The following CBLN2 variants were observed in gnomAD, a reference collection of about 807,000 sequenced individuals.
The protein encoded by CBLN2 is cerebellin-2.
A neutral mutation model predicts 15.0 loss-of-function variants in CBLN2; 7 were observed. The observed-to-expected ratio is 0.47, with a 90% CI of 0.27 to 0.88. The LOEUF (loss-of-function observed/expected upper bound fraction) is 0.88. Ranked by LOEUF, CBLN2 falls within the 40% of genes least tolerant of loss-of-function variation. The probability of loss-of-function intolerance (pLI) is 0.14; values close to 1 mark genes in which losing one functional copy is unlikely to be tolerated. For synonymous variants in CBLN2, 149 were observed against 135.2 expected, an observed-to-expected ratio of 1.10 and a Z score of -0.71; for missense variants, 242 against 304.5, an observed-to-expected ratio of 0.79 and a Z score of 1.53.
intron 1 of CBLN2, among the ~76,000 whole-genome samples, chr18:72,582,640 C>T (rs760469729): frequency 6.6e-6 from 1 of 152,146 alleles, no homozygotes; most frequent in Non-Finnish European, 1.5e-5. Flanking sequence ...GGTGCTCACA[C>T]ATCCTTTAAT....
intron 1 of CBLN2, among the ~76,000 whole-genome samples, chr18:72,636,213 A>T (rs886578655): frequency 2.6e-5 from 4 of 152,220 alleles, no homozygotes; most frequent in Admixed American, 1.3e-4. Context: ...ATATTCAAAT[A>T]CTAGTTACGT....
rs140064619 is a variant in CBLN2, at chr18:72,563,665, G to C, written c.16-24893C>G. On this transcript the variant is annotated intron_variant, in intron 1 of 2. Coordinates refer to the CBLN2 transcript ENST00000581073. ...CAAGTGCACCACCCACAATTCAATA[G>C]GCCATTCACATGCTCCATTTGTTTG... 3.9e-5 allele frequency among the ~76,000 whole-genome samples: 6 copies of C among 152,280 alleles called. No individual in the cohort carries two copies. In the East Asian group the frequency reaches 1.2e-3, roughly 29 times the overall value.
chr18:72,606,974 C>T (rs2069587425), intron 1 of CBLN2, among the ~76,000 whole-genome samples: 2 of 152,196 alleles, frequency 1.3e-5, no homozygotes, highest in African/African-American at 4.8e-5. Flanking sequence ...GTCCTAATCC[C>T]CAGAACCTTG....
intron 1 of CBLN2, among the ~76,000 whole-genome samples, chr18:72,623,162 A>T (rs2069712520): frequency 1.3e-5 from 2 of 152,084 alleles, no homozygotes; most frequent in Non-Finnish European, 2.9e-5. Flanking sequence ...CTATCATGAG[A>T]ACATCATGGG....
In CBLN2 at chr18:72,538,102, A is replaced by T. The variant is rs752655925; in HGVS notation, c.*74T>A. The T allele has an allele frequency of 8.1e-5, 117 of 1,449,636 alleles. No individual in the cohort carries two copies. Among genetic ancestry groups the T allele is most frequent in the Non-Finnish European group, 1.1e-4 (111 of 1,035,516 alleles). The allele number at this position is 1,449,636 out of a possible 1,614,324, so 89.8% of individuals were successfully genotyped here. A position where few individuals can be genotyped will look rare whatever the true frequency, so the allele number is the denominator to read the frequency against. ...TGGAAACAAGGTGTCCAATTCCAGT[A>T]AGTTCAGGGTGTTTTAAAGGGCGGA... is the stretch of plus-strand genomic sequence containing the variant. On this transcript the variant is annotated 3_prime_UTR_variant, in exon 5 of 5. Transcript: ENST00000269503.
At chr18:72,625,816 C>CTATATATA (rs1330243296) in intron 1 of CBLN2, among the ~76,000 whole-genome samples, 18 of 61,624 alleles carry the variant, frequency 2.9e-4, no homozygotes, top group South Asian at 6.5e-4. Context: ...CTCTCTCTCT[C>CTATATATA]TCTATATATA....
intron 1 of CBLN2, among the ~76,000 whole-genome samples, chr18:72,605,063 G>A (rs1052889974): frequency 2.0e-5 from 3 of 152,134 alleles, no homozygotes; most frequent in Admixed American, 6.5e-5. Flanking sequence ...ATCTAATTTG[G>A]TTCTTGTCAT....
chr18:72,613,810 T>G (rs2069639326), intron 1 of CBLN2, among the ~76,000 whole-genome samples: 1 of 152,202 alleles, frequency 6.6e-6, no homozygotes, highest in African/African-American at 2.4e-5. Flanking sequence ...ATAGATTCCA[T>G]GCTTGTTGAC....
At chr18:72,552,472 A>G (rs2069197729) in intron 1 of CBLN2, 1 of 152,202 alleles carries the variant, frequency 6.6e-6, no homozygotes, top group African/African-American at 2.4e-5. Context: ...AATACATAAA[A>G]ATCAACAAAC....
At chr18:72,609,927 G>T (rs1050277140) in intron 1 of CBLN2, among the ~76,000 whole-genome samples, 4 of 152,104 alleles carry the variant, frequency 2.6e-5, no homozygotes, top group South Asian at 2.1e-4. Context: ...GGTATTCCCT[G>T]GGTTGTCCTG....
intron 1 of CBLN2, among the ~76,000 whole-genome samples, chr18:72,600,889 C>T (rs2069543586): frequency 6.6e-6 from 1 of 152,116 alleles, no homozygotes; most frequent in African/African-American, 2.4e-5. Flanking sequence ...GGTGGGGTCA[C>T]ATGACCTGTT....
At chr18:72,551,033 C>T (rs1290639675) in intron 1 of CBLN2, among the ~76,000 whole-genome samples, 2 of 151,950 alleles carry the variant, frequency 1.3e-5, no homozygotes, top group Non-Finnish European at 2.9e-5. Context: ...CTTTCACACC[C>T]ATAAACTGTA....
At chr18:72,587,501 A>C (rs1467094598) in intron 1 of CBLN2, among the ~76,000 whole-genome samples, 1 of 151,524 alleles carries the variant, frequency 6.6e-6, no homozygotes, top group Non-Finnish European at 1.5e-5. Context: ...ACTATAAAGA[A>C]AGTAGGTTTT....
At chr18:72,629,375 C>T (rs1204815575) in intron 1 of CBLN2, among the ~76,000 whole-genome samples, 1 of 151,364 alleles carries the variant, frequency 6.6e-6, no homozygotes, top group African/African-American at 2.4e-5. Context: ...AACTCCCAAA[C>T]TTATATATAG....
chr18:72,611,750 G>C (rs1275209445), intron 1 of CBLN2, among the ~76,000 whole-genome samples: 1 of 152,070 alleles, frequency 6.6e-6, no homozygotes, highest in Non-Finnish European at 1.5e-5. Flanking sequence ...AGTTTAATTA[G>C]GTCCCACTTT....
intron 1 of CBLN2, chr18:72,620,158 G>A (rs547556901): frequency 1.3e-5 from 2 of 152,468 alleles, no homozygotes; most frequent in East Asian, 1.9e-4. Context: ...TCCATCCATG[G>A]ACAGCTTAAA....
At chr18:72,615,403 A>G (rs569227998) in intron 1 of CBLN2, among the ~76,000 whole-genome samples, 29 of 150,862 alleles carry the variant, frequency 1.9e-4, no homozygotes, top group African/African-American at 6.8e-4. Context: ...CAGCCTCCAG[A>G]GTAGCTGGGA....
At position 72,609,643 on chromosome 18, in the gene CBLN2, C is replaced by T. The variant is rs576562474; in HGVS notation, c.15+28682G>A. 7.2e-5 allele frequency among the ~76,000 whole-genome samples: 11 copies of T among 152,306 alleles called. No homozygotes were observed. The South Asian group carries it at 1.2e-3, about 17-fold the overall frequency. On this transcript the variant is annotated intron_variant, in intron 1 of 2. Coordinates refer to the CBLN2 transcript ENST00000581073. ...GAAGCTGTAAAACAGCAAGTTTCTT[C>T]AACATGTCACACATCAGTTTCAAAG...
chr18:72,549,865 G>T (rs1232449686), intron 1 of CBLN2, among the ~76,000 whole-genome samples: 1 of 152,010 alleles, frequency 6.6e-6, no homozygotes, highest in Non-Finnish European at 1.5e-5. Flanking sequence ...GCACATTACT[G>T]GGCAAATGCT....
Sources: gnomAD v4.1 joint callset for allele counts (sites outside exome capture counted in the v4.1 genomes callset) on GRCh38, gnomAD v4.1.1 for gene constraint, MANE v1.5 for transcripts, NCBI Gene and HGNC (gene_info 2026-07-23, HGNC 2026-07-21) for gene names.